The following SLC39A11 variants were observed in gnomAD, a reference collection of about 807,000 sequenced individuals.
SLC39A11 encodes solute carrier family 39 member 11.
Under a neutral mutation model 36.1 loss-of-function variants are expected in SLC39A11, and 33 were observed. The observed-to-expected ratio is 0.91, with a 90% CI of 0.69 to 1.22. The LOEUF (loss-of-function observed/expected upper bound fraction) is 1.22. Ranked by LOEUF, SLC39A11 falls within the 50% of genes most tolerant of loss-of-function variation. The pLI is 0.00. For missense variants in SLC39A11, 432 were observed against 430.3 expected (o/e 1.00, Z -0.03); for synonymous variants, 166 against 170.3 (o/e 0.97, Z 0.20).
chr17:72,849,926 C>T, intron 5 of SLC39A11, 122 bp from the exon 6 acceptor site: 1 of 969,012 alleles, frequency 1.0e-6, no homozygotes, highest in Non-Finnish European at 1.4e-6. Flanking sequence ...CAGGGTCTTA[C>T]TCTGTCACCC....
intron 7 of SLC39A11, among the ~76,000 whole-genome samples, chr17:72,711,143 C>A (rs1165978228): frequency 6.6e-6 from 1 of 152,206 alleles, no homozygotes; most frequent in Non-Finnish European, 1.5e-5. Flanking sequence ...ATCCTCAGGA[C>A]TCAGCCTGGT....
intron 5 of SLC39A11, among the ~76,000 whole-genome samples, chr17:72,939,723 T>C (rs1235840046): frequency 6.6e-6 from 1 of 152,102 alleles, no homozygotes; most frequent in Non-Finnish European, 1.5e-5. Context: ...CCCTAGAATT[T>C]TCGAGAGAGT....
chr17:72,875,596 A>G (rs1288987279), intron 5 of SLC39A11, among the ~76,000 whole-genome samples: 1 of 152,194 alleles, frequency 6.6e-6, no homozygotes. Context: ...ATGGCTGTGC[A>G]TGTTTATGCG....
chr17:72,851,631 A>C (rs1213887386), intron 5 of SLC39A11, among the ~76,000 whole-genome samples: 1 of 152,206 alleles, frequency 6.6e-6, no homozygotes, highest in Non-Finnish European at 1.5e-5. Context: ...TTGTAATAGG[A>C]TAGCTAGATC....
intron 4 of SLC39A11, among the ~76,000 whole-genome samples, chr17:72,970,531 CAT>C (rs746745284): frequency 1.8e-4 from 28 of 152,086 alleles, no homozygotes; most frequent in Non-Finnish European, 2.4e-4. Flanking sequence ...TAAGAGAAAA[CAT>C]ATAATAAGCC....
At chr17:72,736,164 C>T (rs1276682006) in intron 7 of SLC39A11, among the ~76,000 whole-genome samples, 1 of 152,136 alleles carries the variant, frequency 6.6e-6, no homozygotes, top group Non-Finnish European at 1.5e-5. Flanking sequence ...AGGAAGGATG[C>T]TCTGGATACA....
intron 7 of SLC39A11, among the ~76,000 whole-genome samples, chr17:72,729,437 ATATATATATATATATATATATTTTTTTT>A (rs1215594252): frequency 8.0e-4 from 2 of 2,514 alleles, no homozygotes; most frequent in South Asian, 0.011. Flanking sequence ...ATATATATAT[ATATATATATATATATATATATTTTTTTT>A]TTTTTTTTTT....
At chr17:72,863,091 G>A (rs1175725461) in intron 5 of SLC39A11, among the ~76,000 whole-genome samples, 1 of 152,140 alleles carries the variant, frequency 6.6e-6, no homozygotes, top group Non-Finnish European at 1.5e-5. Flanking sequence ...TAATTCAGAG[G>A]AGGAAGATAG....
intron 5 of SLC39A11, among the ~76,000 whole-genome samples, chr17:72,855,624 C>T (rs34115221): frequency 0.22 from 33,569 of 152,062 alleles, 4,066 homozygotes; most frequent in East Asian, 0.45. Context: ...AGGCCGGGTG[C>T]GGTGGCTCAC....
chr17:73,035,786 C>T (rs954598914), intron 3 of SLC39A11, among the ~76,000 whole-genome samples: 1 of 144,920 alleles, frequency 6.9e-6, no homozygotes, highest in African/African-American at 2.5e-5. Context: ...ATCACTTGAA[C>T]CCAGGAGGCG....
At chr17:72,808,879 C>T (rs1173815872) in intron 6 of SLC39A11, among the ~76,000 whole-genome samples, 1 of 152,116 alleles carries the variant, frequency 6.6e-6, no homozygotes, top group Non-Finnish European at 1.5e-5. Context: ...CATTCCCAAG[C>T]CCCCTGCCCA....
intron 7 of SLC39A11, among the ~76,000 whole-genome samples, chr17:72,717,285 G>A (rs1052850600): frequency 7.9e-5 from 12 of 152,030 alleles, no homozygotes; most frequent in African/African-American, 1.9e-4. Context: ...CAGAGAAGAC[G>A]CCGATGGAGG....
rs1174297357 is a variant in SLC39A11 at position 73,035,863 on chromosome 17, CAAAAAAAAAAAA to C, written c.148-4161_148-4150del. ...TGGGTGACAGAGCGACACTCCATCT[CAAAAAAAAAAAA>C]AAAAAAAAAAAAGAAGGGTCAGAAT... On this transcript the variant is annotated intron_variant, in intron 3 of 9. Coordinates refer to ENST00000255559, the MANE Select transcript of SLC39A11 (RefSeq NM_139177.4). Among the ~76,000 whole-genome samples, 290 of 65,568 alleles carry C rather than the reference CAAAAAAAAAAAA, an allele frequency of 4.4e-3. 5 individuals carry two copies. The highest frequency in any genetic ancestry group is 3.9e-3 in the Non-Finnish European group (147 of 37,816). 43.0% of individuals were successfully genotyped at this position (65,568 alleles called of 152,430 possible).
intron 6 of SLC39A11, among the ~76,000 whole-genome samples, chr17:72,833,610 T>C (rs2078380617): frequency 6.6e-6 from 1 of 152,106 alleles, no homozygotes; most frequent in South Asian, 2.1e-4. Flanking sequence ...CAAACCTGAG[T>C]TAAGTCACAG....
chr17:72,699,845 G>T (rs2072522811), intron 7 of SLC39A11, among the ~76,000 whole-genome samples: 1 of 152,166 alleles, frequency 6.6e-6, no homozygotes, highest in Admixed American at 6.5e-5. Context: ...ATGGGTAGCT[G>T]AAATCCTGAA....
At chr17:72,847,565 T>C (rs1242306066) in intron 6 of SLC39A11, among the ~76,000 whole-genome samples, 2 of 152,174 alleles carry the variant, frequency 1.3e-5, no homozygotes, top group African/African-American at 2.4e-5. Flanking sequence ...AAGATTAGGA[T>C]AGAAATAACA....
chr17:72,857,301 A>C (rs1471726173), intron 5 of SLC39A11, among the ~76,000 whole-genome samples: 1 of 152,198 alleles, frequency 6.6e-6, no homozygotes, highest in Non-Finnish European at 1.5e-5. Flanking sequence ...GTGTTCCCAA[A>C]AAAGACATGA....
Position 72,790,546 on chromosome 17 carries a change from T to G in SLC39A11, c.602-53827A>C, listed in dbSNP as rs2076667649. On this transcript the variant is annotated intron_variant, in intron 6 of 9. Transcript: ENST00000255559. ...TTCTCTCTCTCTCTCTCTTTTTTTT[T>G]TTTGAGACAGAGCCTTGCTTTGTCG... is the stretch of plus-strand genomic sequence containing the variant. 1.3e-5 allele frequency among the ~76,000 whole-genome samples: 2 copies of G among 152,086 alleles called. 1 individual carries two copies. The highest frequency in any genetic ancestry group is 4.1e-4 in the South Asian group (2 of 4,822).
intron 3 of SLC39A11, among the ~76,000 whole-genome samples, chr17:73,036,712 G>A (rs1039344191): frequency 5.3e-5 from 8 of 152,122 alleles, no homozygotes; most frequent in Non-Finnish European, 5.9e-5. Context: ...CTCCCAAAGT[G>A]CTAGGATTAC....
Sources: gnomAD v4.1 joint callset for allele counts (sites outside exome capture counted in the v4.1 genomes callset) on GRCh38, gnomAD v4.1.1 for gene constraint, MANE v1.5 for transcripts, NCBI Gene and HGNC (gene_info 2026-07-23, HGNC 2026-07-21) for gene names.